PPP1R9A: variants seen among roughly 807,000 people sequenced by gnomAD.
The protein encoded by PPP1R9A is protein phosphatase 1 regulatory subunit 9A.
In PPP1R9A, 59 loss-of-function variants were observed where a neutral mutation model predicts 141.9. The observed-to-expected ratio is 0.42, with a 90% CI of 0.34 to 0.52. The LOEUF (loss-of-function observed/expected upper bound fraction) is 0.52, where lower values mean the gene tolerates loss of function less well. Ranked by LOEUF, PPP1R9A falls within the 20% of genes least tolerant of loss-of-function variation. PPP1R9A has a pLI of 0.10. For missense variants in PPP1R9A, 1,444 were observed against 1,611.9 expected (o/e 0.90, Z 1.78); for synonymous variants, 500 against 569.7 (o/e 0.88, Z 1.74).
intron 12 of PPP1R9A, among the ~76,000 whole-genome samples, chr7:95,262,761 C>CA (rs1394840726): frequency 3.3e-5 from 5 of 151,750 alleles, no homozygotes; most frequent in Non-Finnish European, 5.9e-5. Flanking sequence ...CATGTATTGA[C>CA]AAAAAAACTG....
intron 2 of PPP1R9A, among the ~76,000 whole-genome samples, chr7:95,103,404 A>C (rs1194126639): frequency 9.1e-6 from 1 of 109,342 alleles, no homozygotes; most frequent in Non-Finnish European, 1.7e-5. Flanking sequence ...TCTGTTGCCC[A>C]GGCTGGAGTC....
At chr7:95,052,949 C>G (rs1176612339) in intron 2 of PPP1R9A, among the ~76,000 whole-genome samples, 2 of 152,098 alleles carry the variant, frequency 1.3e-5, no homozygotes, top group Admixed American at 6.6e-5. Context: ...TCATTTCTAC[C>G]CTGGAAAAGC....
At chr7:94,975,184 G>A (rs539675692) in intron 2 of PPP1R9A, among the ~76,000 whole-genome samples, 13 of 152,092 alleles carry the variant, frequency 8.5e-5, no homozygotes, top group African/African-American at 2.9e-4. Flanking sequence ...GTGACATTGT[G>A]CTATAACCTA....
At chr7:95,004,888 T>C (rs550302017) in intron 2 of PPP1R9A, among the ~76,000 whole-genome samples, 44 of 152,206 alleles carry the variant, frequency 2.9e-4, no homozygotes, top group Non-Finnish European at 2.8e-4. Flanking sequence ...TCCCACAGAC[T>C]ACAGTCCATA....
At chr7:95,155,028 A>G (rs1244555707) in intron 4 of PPP1R9A, 1 of 152,174 alleles carries the variant, frequency 6.6e-6, no homozygotes, top group Non-Finnish European at 1.5e-5. Flanking sequence ...TATCATTATC[A>G]TCATTATCAT....
intron 9 of PPP1R9A, among the ~76,000 whole-genome samples, chr7:95,249,457 T>A (rs1798576574): frequency 6.6e-6 from 1 of 152,116 alleles, no homozygotes; most frequent in African/African-American, 2.4e-5. Flanking sequence ...ATCACAATTC[T>A]GTTGTATGGA....
intron 2 of PPP1R9A, among the ~76,000 whole-genome samples, chr7:95,008,464 A>G (rs1259880675): frequency 6.6e-6 from 1 of 152,202 alleles, no homozygotes; most frequent in Non-Finnish European, 1.5e-5. Context: ...GAGTAGGCTA[A>G]GTTGCAGTAA....
intron 2 of PPP1R9A, among the ~76,000 whole-genome samples, chr7:95,067,937 G>C (rs1374478346): frequency 6.6e-6 from 1 of 152,092 alleles, no homozygotes; most frequent in Admixed American, 6.5e-5. Context: ...AACTGGATAT[G>C]TGGAAAATTA....
At chr7:95,070,188 C>T (rs1813564914) in intron 2 of PPP1R9A, among the ~76,000 whole-genome samples, 1 of 152,040 alleles carries the variant, frequency 6.6e-6, no homozygotes, top group African/African-American at 2.4e-5. Context: ...TCCAGTGGCA[C>T]CTGATTTTGT....
chr7:94,983,592 A>G (rs1800406217), intron 2 of PPP1R9A, among the ~76,000 whole-genome samples: 1 of 152,074 alleles, frequency 6.6e-6, no homozygotes. Flanking sequence ...CTTTGTAGCA[A>G]TTGTGAATGA....
intron 2 of PPP1R9A, among the ~76,000 whole-genome samples, chr7:94,974,805 C>T (rs549924588): frequency 6.6e-6 from 1 of 152,142 alleles, no homozygotes; most frequent in East Asian, 1.9e-4. Context: ...TAAAATAACT[C>T]ATAAATAAGT....
At chr7:94,991,400 TGA>T (rs1801491716) in intron 2 of PPP1R9A, among the ~76,000 whole-genome samples, 1 of 152,186 alleles carries the variant, frequency 6.6e-6, no homozygotes, top group Non-Finnish European at 1.5e-5. Context: ...TTTTTCTGTT[TGA>T]GTTTCTTGTA....
chr7:94,942,803 CAATAAATAAATAAATAAATA>C lies in PPP1R9A; in HGVS notation c.1395+31330_1395+31349del, dbSNP rs142643808. Reference sequence around the variant, plus strand: ...TGGGTGACAGAGCAAGACTGTCTCTCAATAAATAAATAAATAAATAAATAAATAAATAAATAAATAAATAA... The same window carrying C: ...TGGGTGACAGAGCAAGACTGTCTCTCAATAAATAAATAAATAAATAAATAA... On this transcript the variant is annotated intron_variant, in intron 2 of 19. Transcript: ENST00000433360. Among the ~76,000 whole-genome samples, 794 of 137,382 alleles carry C rather than the reference CAATAAATAAATAAATAAATA, an allele frequency of 5.8e-3. 9 individuals are homozygous for C. The highest frequency in any genetic ancestry group is 0.02 in the African/African-American group (727 of 37,058). 90.1% of individuals were successfully genotyped at this position (137,382 alleles called of 152,430 possible).
At chr7:95,091,662 A>G (rs548484150) in intron 2 of PPP1R9A, among the ~76,000 whole-genome samples, 3 of 151,890 alleles carry the variant, frequency 2.0e-5, no homozygotes, top group African/African-American at 7.3e-5. Flanking sequence ...TTGTAGATGA[A>G]AAATTACTTA....
Position 95,004,500 on chromosome 7 carries a change from T to C in PPP1R9A, c.1395+92992T>C, listed in dbSNP as rs189644636. 3.3e-3 allele frequency among the ~76,000 whole-genome samples: 506 copies of C among 152,270 alleles called. 2 individuals carry two copies. The highest frequency in any genetic ancestry group is 0.018 in the South Asian group (87 of 4,828). ...TTATACCTTTTTAAATTAACTAATC[T>C]ATGAGTACCGACTTAATGAATGAGT... On this transcript the variant is annotated intron_variant, in intron 2 of 19. Transcript: ENST00000433360.
At chr7:95,182,197 C>T (rs147014616) in intron 5 of PPP1R9A, among the ~76,000 whole-genome samples, 1 of 151,680 alleles carries the variant, frequency 6.6e-6, no homozygotes, top group African/African-American at 2.4e-5. Context: ...TATATATAGG[C>T]TAGGTGCAGT....
chr7:95,294,722 T>C lies in PPP1R9A; in HGVS notation c.*4419T>C, dbSNP rs978524891. ...AGTAGCAGCATAGAATAGGCCCAAC[T>C]AAGAAGTTGGAGGGGCAAAGAGAAA... is the stretch of plus-strand genomic sequence containing the variant. On this transcript the variant is annotated 3_prime_UTR_variant, in exon 20 of 20. Transcript: ENST00000433360. 1 of 152,144 alleles carries C rather than the reference T, an allele frequency of 6.6e-6. No individual in the cohort carries two copies. Among genetic ancestry groups the C allele is most frequent in the African/African-American group, 2.4e-5 (1 of 41,420 alleles). 9.4% of individuals were successfully genotyped at this position (152,144 alleles called of 1,614,324 possible). A position where few individuals can be genotyped will look rare whatever the true frequency, so the allele number is the denominator to read the frequency against.
At chr7:94,918,940 T>C (rs1165533252) in intron 2 of PPP1R9A, among the ~76,000 whole-genome samples, 1 of 152,142 alleles carries the variant, frequency 6.6e-6, no homozygotes, top group East Asian at 1.9e-4. Context: ...ATGTGTTTCA[T>C]AGAGAGGAAG....
intron 2 of PPP1R9A, among the ~76,000 whole-genome samples, chr7:95,020,509 C>A (rs974689506): frequency 3.3e-4 from 50 of 152,046 alleles, no homozygotes; most frequent in African/African-American, 1.1e-3. Flanking sequence ...ATGTGCAGCA[C>A]GTGCAGGTTT....
Sources: gnomAD v4.1 joint callset for allele counts (sites outside exome capture counted in the v4.1 genomes callset) on GRCh38, gnomAD v4.1.1 for gene constraint, MANE v1.5 for transcripts, NCBI Gene and HGNC (gene_info 2026-07-23, HGNC 2026-07-21) for gene names.